CAV1: variants seen among roughly 807,000 people sequenced by gnomAD.
CAV1 encodes the protein caveolin 1.
CAV1 carries 10 observed loss-of-function variants against 16.5 expected under a neutral mutation model. The observed-to-expected ratio is 0.61, with a 90% CI of 0.37 to 1.03. The LOEUF (loss-of-function observed/expected upper bound fraction) is 1.03. Among genes scored for constraint, CAV1 ranks in the 50% least tolerant of loss-of-function variants. CAV1 has a pLI of 0.01. For synonymous variants in CAV1, 76 were observed against 85.1 expected (o/e 0.89, Z 0.59); for missense variants, 212 against 232.8 (o/e 0.91, Z 0.58).
chr7:116,543,205 C>T (rs1167649254), intron 2 of CAV1, among the ~76,000 whole-genome samples: 5 of 152,206 alleles, frequency 3.3e-5, no homozygotes, highest in South Asian at 2.1e-4. Context: ...TATAAAATTC[C>T]GAGATTCTAG....
chr7:116,539,046 A>C (rs1247102516), intron 2 of CAV1, among the ~76,000 whole-genome samples: 1 of 152,140 alleles, frequency 6.6e-6, no homozygotes, highest in African/African-American at 2.4e-5. Flanking sequence ...CATATCAGGC[A>C]TTCAACCAAT....
In CAV1 at chr7:116,551,608, A is replaced by T. The variant is rs373664439; in HGVS notation, c.196-7338A>T. Among the ~76,000 whole-genome samples, 306 of 152,324 alleles carry T rather than the reference A, an allele frequency of 2.0e-3. 2 individuals carry two copies. Among genetic ancestry groups the T allele is most frequent in the African/African-American group, 7.0e-3 (290 of 41,574 alleles). On this transcript the variant is annotated intron_variant, in intron 2 of 2. Transcript: ENST00000341049. ...GTAGAAAATAAGAAATCATCATCAG[A>T]AGTGGTTTGTTTTGGAATTATATTG...
At chr7:116,541,418 TA>T (rs1465395371) in intron 2 of CAV1, among the ~76,000 whole-genome samples, 3 of 152,042 alleles carry the variant, frequency 2.0e-5, no homozygotes, top group Non-Finnish European at 4.4e-5. Context: ...AGATAAGAAA[TA>T]ATAGGAAAGG....
intron 2 of CAV1, among the ~76,000 whole-genome samples, chr7:116,534,035 G>A (rs1417675332): frequency 6.6e-6 from 1 of 151,836 alleles, no homozygotes; most frequent in African/African-American, 2.4e-5. Context: ...TGGCCAACAT[G>A]GTGAAACCCT....
intron 2 of CAV1, among the ~76,000 whole-genome samples, chr7:116,557,925 T>C (rs1452897012): frequency 6.6e-6 from 1 of 152,184 alleles, no homozygotes; most frequent in Non-Finnish European, 1.5e-5. Context: ...TAATATTCAG[T>C]CTGGCCTCAA....
At chr7:116,557,894 T>C (rs1794323185) in intron 2 of CAV1, among the ~76,000 whole-genome samples, 1 of 152,128 alleles carries the variant, frequency 6.6e-6, no homozygotes. Flanking sequence ...ACATCTTCCA[T>C]AGACCCCACT....
At chr7:116,529,274 T>C (rs1163419937) in intron 2 of CAV1, among the ~76,000 whole-genome samples, 1 of 152,192 alleles carries the variant, frequency 6.6e-6, no homozygotes, top group East Asian at 1.9e-4. Flanking sequence ...CTGTTAAAGG[T>C]ACCCAATCAA....
intron 2 of CAV1, among the ~76,000 whole-genome samples, chr7:116,552,130 G>A (rs756398665): frequency 2.0e-5 from 3 of 152,134 alleles, no homozygotes; most frequent in Non-Finnish European, 4.4e-5. Flanking sequence ...TTAGAGGGAT[G>A]GCATTACACA....
In CAV1 at chr7:116,537,696, G is replaced by A. The variant is rs190373707; in HGVS notation, c.195+11007G>A. On this transcript the variant is annotated intron_variant, in intron 2 of 2. Transcript: ENST00000341049. ...ACAGTGTCCTCACACTGGGTGAGCAGCTTATGGTGATTCCAGACATGATCT... is the reference window on the plus strand; with the variant it reads ...ACAGTGTCCTCACACTGGGTGAGCAACTTATGGTGATTCCAGACATGATCT... Among the ~76,000 whole-genome samples, 98 of 152,294 alleles carry A rather than the reference G, an allele frequency of 6.4e-4. 1 individual carries two copies. Among genetic ancestry groups the A allele is most frequent in the African/African-American group, 2.2e-3 (90 of 41,562 alleles).
intron 2 of CAV1, among the ~76,000 whole-genome samples, chr7:116,546,711 A>AAAAAAAAAAAAAAAAAAAAAAAC (rs1292024092): frequency 7.0e-6 from 1 of 143,744 alleles, no homozygotes; most frequent in Non-Finnish European, 1.6e-5. Flanking sequence ...AAAAAAAAAA[A>AAAAAAAAAAAAAAAAAAAAAAAC]AAAGTCTGCA....
intron 1 of CAV1, chr7:116,525,784 G>A (rs1793544370): frequency 1.9e-6 from 2 of 1,048,652 alleles, no homozygotes; most frequent in Admixed American, 1.0e-4. Flanking sequence ...TGCCCTGAGG[G>A]TGGGTCGGGG....
chr7:116,559,035 G>T lies in CAV1; in HGVS notation c.285G>T (p.Thr95=). The T allele has an allele frequency of 6.2e-7, 1 of 1,613,864 alleles. No homozygotes were observed. Among genetic ancestry groups the T allele is most frequent in the Non-Finnish European group, 8.5e-7 (1 of 1,179,900 alleles). ...CCAGCTTCACCACCTTCACTGTGAC[G>T]AAATACTGGTTTTACCGCTTGCTGT... ...WKASFTTFTV[T]KYWFYRLLSA... The change falls in exon 3 of 3, where the codon ACG becomes ACT. Residue 95 remains threonine, a synonymous_variant. Coordinates refer to ENST00000341049, the MANE Select transcript of CAV1 (RefSeq NM_001753.5).
chr7:116,557,815 T>C (rs1216820976), intron 2 of CAV1, among the ~76,000 whole-genome samples: 1 of 152,136 alleles, frequency 6.6e-6, no homozygotes, highest in Non-Finnish European at 1.5e-5. Flanking sequence ...CTTCTCCCAG[T>C]GTGCATACGG....
intron 2 of CAV1, among the ~76,000 whole-genome samples, chr7:116,546,697 C>CAAAAAAAAAAAAATAA (rs1794055041): frequency 1.1e-5 from 1 of 88,382 alleles, no homozygotes; most frequent in Non-Finnish European, 2.3e-5. Context: ...GACTCTGTCA[C>CAAAAAAAAAAAAATAA]AAAAAAAAAA....
chr7:116,545,288 C>A (rs544119451), intron 2 of CAV1, among the ~76,000 whole-genome samples: 2 of 152,316 alleles, frequency 1.3e-5, no homozygotes, highest in South Asian at 2.1e-4. Context: ...AGTACCCCCA[C>A]CCACACTCCA....
At chr7:116,544,381 T>C (rs1292430987) in intron 2 of CAV1, among the ~76,000 whole-genome samples, 1 of 152,196 alleles carries the variant, frequency 6.6e-6, no homozygotes, top group Non-Finnish European at 1.5e-5. Context: ...ATTCATTCAT[T>C]TATTCAACAA....
chr7:116,533,348 TAAATAAAATAAAATAAAATAAAATA>T lies in CAV1; in HGVS notation c.195+6698_195+6722del, dbSNP rs763800018. On this transcript the variant is annotated intron_variant, in intron 2 of 2. Coordinates refer to ENST00000341049, the MANE Select transcript of CAV1 (RefSeq NM_001753.5). ...CGAGACTCCGTCTCAAAAAATAAAATAAATAAAATAAAATAAAATAAAATAAAATAAAATAAAATAAAATAAAATA... is the reference window on the plus strand; with the variant it reads ...CGAGACTCCGTCTCAAAAAATAAAATAAATAAAATAAAATAAAATAAAATA... Among the ~76,000 whole-genome samples the T allele has an allele frequency of 1.4e-3, 195 of 137,690 alleles. 2 individuals are homozygous for T. The highest frequency in any genetic ancestry group is 5.1e-3 in the African/African-American group (183 of 35,904). 90.3% of individuals were successfully genotyped at this position (137,690 alleles called of 152,430 possible).
chr7:116,528,636 C>T (rs974202673), intron 2 of CAV1, among the ~76,000 whole-genome samples: 1 of 152,044 alleles, frequency 6.6e-6, no homozygotes, highest in African/African-American at 2.4e-5. Flanking sequence ...CCAAAGAGTG[C>T]CTGGCCGATG....
chr7:116,539,244 A>C (rs1793889629), intron 2 of CAV1, among the ~76,000 whole-genome samples: 1 of 152,014 alleles, frequency 6.6e-6, no homozygotes, highest in South Asian at 2.1e-4. Flanking sequence ...CATTCATCAA[A>C]GCCTTCCAAC....
Sources: gnomAD v4.1 joint callset for allele counts (sites outside exome capture counted in the v4.1 genomes callset) on GRCh38, gnomAD v4.1.1 for gene constraint, MANE v1.5 for transcripts, NCBI Gene and HGNC (gene_info 2026-07-23, HGNC 2026-07-21) for gene names.